LRBA: variants seen among roughly 807,000 people sequenced by gnomAD.
LRBA encodes the protein lipopolysaccharide-responsive and beige-like anchor protein.
A neutral mutation model predicts 330.0 loss-of-function variants in LRBA; 176 were observed. The observed-to-expected ratio is 0.53, with a 90% CI of 0.47 to 0.60. The LOEUF is 0.60. Ranked by LOEUF, LRBA falls within the 20% of genes least tolerant of loss-of-function variation. The pLI, the probability that LRBA is intolerant of heterozygous loss-of-function variation, is 0.00. For missense variants in LRBA, 3,259 were observed against 3,444.8 expected (o/e 0.95, Z 1.35); for synonymous variants, 1,230 against 1,193.0 (o/e 1.03, Z -0.64).
chr4:150,540,288 C>G (rs569729769), intron 40 of LRBA, among the ~76,000 whole-genome samples: 44 of 152,122 alleles, frequency 2.9e-4, no homozygotes, highest in African/African-American at 1.1e-3. Flanking sequence ...GGCGCGATCT[C>G]GGCTCACTGC....
Position 150,417,286 on chromosome 4 carries a change from T to C in LRBA, c.7042-1696A>G, listed in dbSNP as rs185382525. Among the ~76,000 whole-genome samples the C allele has an allele frequency of 1.1e-4, 17 of 152,256 alleles. No homozygotes were observed. In the East Asian group the frequency reaches 1.4e-3, roughly 12 times the overall value. ...GAAAAAGAATTTTTGTAATGTGATT[T>C]ATCCCAATAAATCACTATATAATTT... On this transcript the variant is annotated intron_variant, in intron 46 of 56. Coordinates refer to ENST00000651943, the MANE Select transcript of LRBA (RefSeq NM_001364905.1).
intron 24 of LRBA, among the ~76,000 whole-genome samples, chr4:150,850,390 G>A (rs543849303): frequency 4.6e-5 from 7 of 152,070 alleles, no homozygotes; most frequent in South Asian, 2.1e-4. Flanking sequence ...AACTGCGCCC[G>A]GCCTATACCA....
chr4:150,821,184 TA>T (rs1409332373), intron 30 of LRBA, among the ~76,000 whole-genome samples: 1 of 152,126 alleles, frequency 6.6e-6, no homozygotes, highest in Non-Finnish European at 1.5e-5. Flanking sequence ...TCAAACTTTT[TA>T]GCATAAGGAA....
At chr4:150,701,110 A>G (rs1237796170) in intron 36 of LRBA, among the ~76,000 whole-genome samples, 1 of 152,178 alleles carries the variant, frequency 6.6e-6, no homozygotes, top group Non-Finnish European at 1.5e-5. Flanking sequence ...AAAGTGAGAC[A>G]CAAACACACA....
At chr4:150,570,889 T>C (rs375455211) in intron 40 of LRBA, among the ~76,000 whole-genome samples, 8 of 152,286 alleles carry the variant, frequency 5.3e-5, no homozygotes, top group Admixed American at 5.2e-4. Flanking sequence ...GTTTGTATTT[T>C]TCTAATAATA....
chr4:150,375,221 A>C, intron 47 of LRBA, among the ~76,000 whole-genome samples: 1 of 152,088 alleles, frequency 6.6e-6, no homozygotes, highest in East Asian at 1.9e-4. Context: ...AGCAAGAAAA[A>C]ATGTGACCCC....
Position 150,534,369 on chromosome 4 carries a change from TA to T in LRBA, c.6331-43335del, listed in dbSNP as rs1581604615. On this transcript the variant is annotated intron_variant, in intron 40 of 56. Coordinates refer to ENST00000651943, the MANE Select transcript of LRBA (RefSeq NM_001364905.1). ...ATAATAATAATAATAATAATAATAATAATAATAATTTTTTTTAAAAAAACAC... is the reference window on the plus strand; with the variant it reads ...ATAATAATAATAATAATAATAATAATATAATAATTTTTTTTAAAAAAACAC... Among the ~76,000 whole-genome samples, 4 of 148,266 alleles carry T rather than the reference TA, an allele frequency of 2.7e-5. No homozygotes were observed. In the East Asian group the frequency reaches 5.9e-4, roughly 22 times the overall value.
At chr4:150,475,905 T>C (rs935297480) in intron 42 of LRBA, among the ~76,000 whole-genome samples, 14 of 146,858 alleles carry the variant, frequency 9.5e-5, no homozygotes, top group Non-Finnish European at 1.9e-4. Flanking sequence ...ATCGTGTCTC[T>C]ACAAAAAAAA....
At chr4:150,267,958 G>T (rs1470620330) in intron 56 of LRBA, among the ~76,000 whole-genome samples, 2 of 151,892 alleles carry the variant, frequency 1.3e-5, no homozygotes, top group African/African-American at 4.8e-5. Flanking sequence ...TACTTGGAAG[G>T]CTGAGGCAGG....
At chr4:150,457,596 T>C (rs1053604192) in intron 44 of LRBA, among the ~76,000 whole-genome samples, 1 of 151,958 alleles carries the variant, frequency 6.6e-6, no homozygotes, top group Non-Finnish European at 1.5e-5. Flanking sequence ...CATGCAAGTA[T>C]ATTTTAAAAG....
At chr4:150,444,979 C>T (rs76411916) in intron 44 of LRBA, among the ~76,000 whole-genome samples, 2,344 of 152,110 alleles carry the variant, frequency 0.015, 27 homozygotes, top group Non-Finnish European at 0.024. Flanking sequence ...TAATCCAATG[C>T]CACTGCTGAG....
At chr4:150,465,044 C>A (rs1755272060) in intron 44 of LRBA, among the ~76,000 whole-genome samples, 1 of 152,010 alleles carries the variant, frequency 6.6e-6, no homozygotes, top group African/African-American at 2.4e-5. Flanking sequence ...ACATGAAACA[C>A]TAACTCCTCA....
chr4:150,837,383 T>C (rs1276827324), intron 28 of LRBA, among the ~76,000 whole-genome samples: 1 of 152,150 alleles, frequency 6.6e-6, no homozygotes, highest in African/African-American at 2.4e-5. Context: ...CTGTCTAATG[T>C]TGACGGTGGG....
chr4:150,447,511 C>T (rs1752761232), intron 44 of LRBA, among the ~76,000 whole-genome samples: 1 of 152,172 alleles, frequency 6.6e-6, no homozygotes, highest in Non-Finnish European at 1.5e-5. Context: ...CCCTGGTTCT[C>T]AGGCCTTTAG....
intron 35 of LRBA, among the ~76,000 whole-genome samples, chr4:150,756,299 G>C (rs1734287806): frequency 6.6e-6 from 1 of 152,090 alleles, no homozygotes. Context: ...AAAAATATTT[G>C]GAGGGATCAC....
At chr4:150,690,040 TAAG>T (rs1783977532) in intron 36 of LRBA, among the ~76,000 whole-genome samples, 1 of 152,012 alleles carries the variant, frequency 6.6e-6, no homozygotes, top group South Asian at 2.1e-4. Context: ...TAAGAGAAAT[TAAG>T]AAGCTAGATA....
chr4:150,861,655 T>C (rs1560929077), intron 22 of LRBA, among the ~76,000 whole-genome samples: 1 of 152,190 alleles, frequency 6.6e-6, no homozygotes, highest in African/African-American at 2.4e-5. Context: ...ACTGTAAATA[T>C]AGGCTACACT....
At chr4:150,703,477 C>T (rs1381030696) in intron 36 of LRBA, among the ~76,000 whole-genome samples, 1 of 152,092 alleles carries the variant, frequency 6.6e-6, no homozygotes, top group Non-Finnish European at 1.5e-5. Flanking sequence ...TGTTCCAAGC[C>T]TATACCAGAT....
At position 150,490,991 on chromosome 4, in the gene LRBA, T is replaced by C. The variant is rs541432702; in HGVS notation, c.6375A>G (p.Thr2125=). ...GACGAGAAAAGATTGATCGTATCTC[T>C]GTGAACAGCCATTTTCCATGCAGCC... The part of the protein sequence containing the change: ...TEGLHGKWLF[T]EIRSIFSRRY... The change falls in exon 41 of 57, where the codon ACA becomes ACG. Residue 2125 remains threonine (T), a synonymous_variant. Transcript: ENST00000651943. 149 of 1,608,832 alleles carry C rather than the reference T, an allele frequency of 9.3e-5. No homozygotes were observed. The highest frequency in any genetic ancestry group is 1.2e-4 in the Non-Finnish European group (147 of 1,176,660).
Sources: allele counts gnomAD v4.1 joint callset (sites outside exome capture counted in the v4.1 genomes callset), GRCh38; gene constraint gnomAD v4.1.1; transcripts MANE v1.5; gene names NCBI Gene and HGNC (gene_info 2026-07-23, HGNC 2026-07-21).